Variants in DAB1 observed in about 807,000 individuals in gnomAD.
DAB1 encodes DAB adaptor protein 1, also known as disabled homolog 1.
In DAB1, 15 loss-of-function variants were observed where a neutral mutation model predicts 64.6. The observed-to-expected ratio is 0.23, with a 90% confidence interval of 0.16 to 0.36. The LOEUF is 0.36. DAB1 is among the 10% of genes least tolerant of loss of function. DAB1 has a pLI of 1.00. For missense variants in DAB1, 596 were observed against 706.7 expected, an observed-to-expected ratio of 0.84 and a Z score of 1.78; for synonymous variants, 235 against 251.9, an observed-to-expected ratio of 0.93 and a Z score of 0.64.
At chr1:57,483,101 C>T (rs945867407) in intron 7 of DAB1, among the ~76,000 whole-genome samples, 30 of 152,120 alleles carry the variant, frequency 2.0e-4, no homozygotes, top group African/African-American at 7.0e-4. Flanking sequence ...TAAAAATATG[C>T]ATGGGAAAAA....
At chr1:57,721,889 C>G (rs1027310651) in intron 6 of DAB1, among the ~76,000 whole-genome samples, 1 of 152,096 alleles carries the variant, frequency 6.6e-6, no homozygotes, top group African/African-American at 2.4e-5. Flanking sequence ...TATGTTATTG[C>G]CATTATGATT....
In DAB1 at chr1:58,163,120, C is replaced by T. The variant is rs142367662; in HGVS notation, n.310-12532G>A. ...CCGGGAAGCAAACCAGGAGCAAGTC[C>T]TGCCTGGCCCTATCCAGTCATGGAG... On this transcript the variant is annotated intron_variant and non_coding_transcript_variant, in intron 4 of 20. Coordinates refer to the DAB1 transcript ENST00000485760. Among the ~76,000 whole-genome samples the T allele has an allele frequency of 7.3e-4, 111 of 152,292 alleles. 1 individual carries two copies. In the South Asian group the frequency reaches 0.01, roughly 14 times the overall value.
At chr1:58,094,762 T>C (rs888998664) in intron 5 of DAB1, among the ~76,000 whole-genome samples, 1 of 152,234 alleles carries the variant, frequency 6.6e-6, no homozygotes, top group Non-Finnish European at 1.5e-5. Flanking sequence ...TGGCATGTGC[T>C]AGAGTAGTGC....
At chr1:57,037,814 G>A (rs1647226209) in intron 9 of DAB1, among the ~76,000 whole-genome samples, 1 of 152,190 alleles carries the variant, frequency 6.6e-6, no homozygotes, top group South Asian at 2.1e-4. Flanking sequence ...ACAAGGGCAA[G>A]TGGCTTGAGG....
intron 7 of DAB1, among the ~76,000 whole-genome samples, chr1:57,525,089 A>G (rs1469263954): frequency 6.6e-6 from 1 of 152,236 alleles, no homozygotes; most frequent in Non-Finnish European, 1.5e-5. Flanking sequence ...ACATTCAAGG[A>G]TCAAAAATTG....
At chr1:57,245,995 G>A (rs1225108715) in intron 2 of DAB1, among the ~76,000 whole-genome samples, 2 of 152,182 alleles carry the variant, frequency 1.3e-5, no homozygotes, top group African/African-American at 2.4e-5. Context: ...GTCTGAAATA[G>A]GAACTTATAT....
chr1:58,226,092 G>A (rs781400488), intron 4 of DAB1, among the ~76,000 whole-genome samples: 2 of 152,020 alleles, frequency 1.3e-5, no homozygotes, highest in Non-Finnish European at 2.9e-5. Flanking sequence ...AACCACTCTG[G>A]GATACCTCTG....
At chr1:57,053,688 A>ATATATATATTTT (rs1447741565) in intron 9 of DAB1, among the ~76,000 whole-genome samples, 36 of 71,396 alleles carry the variant, frequency 5.0e-4, no homozygotes, top group Admixed American at 1.9e-3. Context: ...ATATATATAT[A>ATATATATATTTT]TTTTTTTTTT....
At chr1:57,001,224 T>C (rs1411007) in intron 14 of DAB1, among the ~76,000 whole-genome samples, 2,256 of 152,318 alleles carry the variant, frequency 0.015, 66 homozygotes, top group African/African-American at 0.052. Context: ...ACGGGGTCTT[T>C]GAGCTATTTT....
At chr1:57,777,074 G>A (rs1157392636) in intron 6 of DAB1, among the ~76,000 whole-genome samples, 1 of 146,282 alleles carries the variant, frequency 6.8e-6, no homozygotes, top group African/African-American at 2.5e-5. Flanking sequence ...ACTTTCACAG[G>A]ATACTAGGTT....
chr1:57,447,275 A>C (rs1686176985), intron 7 of DAB1, among the ~76,000 whole-genome samples: 1 of 152,216 alleles, frequency 6.6e-6, no homozygotes, highest in South Asian at 2.1e-4. Context: ...CTATGAGGAC[A>C]AAGCTCTCTT....
chr1:58,085,416 G>A (rs1364189109), intron 5 of DAB1, among the ~76,000 whole-genome samples: 1 of 152,076 alleles, frequency 6.6e-6, no homozygotes, highest in African/African-American at 2.4e-5. Flanking sequence ...CACTCAGGCT[G>A]GAGTGCAGTG....
At chr1:57,575,761 C>T (rs1645242385) in intron 7 of DAB1, among the ~76,000 whole-genome samples, 1 of 152,150 alleles carries the variant, frequency 6.6e-6, no homozygotes, top group Admixed American at 6.5e-5. Flanking sequence ...GTAAGCCATT[C>T]TTTAATTTAG....
chr1:57,151,807 ATTTTT>A (rs34012935), intron 2 of DAB1, among the ~76,000 whole-genome samples: 5 of 106,252 alleles, frequency 4.7e-5, no homozygotes, highest in African/African-American at 1.9e-4. Context: ...CTAATGTTTA[ATTTTT>A]TTTTTTTTTT....
chr1:58,134,008 GACTA>G (rs1449272696), intron 5 of DAB1, among the ~76,000 whole-genome samples: 3 of 152,134 alleles, frequency 2.0e-5, no homozygotes, highest in East Asian at 1.9e-4. Flanking sequence ...ATAGCTCCAT[GACTA>G]ACTAATTAGC....
chr1:57,094,769 T>C (rs1373628749), intron 4 of DAB1, among the ~76,000 whole-genome samples: 1 of 152,216 alleles, frequency 6.6e-6, no homozygotes, highest in Non-Finnish European at 1.5e-5. Flanking sequence ...CTCTCATTCC[T>C]GGGTCATACC....
chr1:58,418,241 C>A (rs1044076245), intron 3 of DAB1, among the ~76,000 whole-genome samples: 1 of 152,190 alleles, frequency 6.6e-6, no homozygotes, highest in Non-Finnish European at 1.5e-5. Context: ...TCAGGAATTG[C>A]TAATTCAGCT....
chr1:57,958,858 A>C (rs1645451369), intron 5 of DAB1, among the ~76,000 whole-genome samples: 1 of 152,170 alleles, frequency 6.6e-6, no homozygotes, highest in Admixed American at 6.5e-5. Context: ...TAAGGATGCC[A>C]GTCTTATTAA....
At chr1:57,124,070 G>A (rs965047434) in intron 4 of DAB1, among the ~76,000 whole-genome samples, 2 of 152,154 alleles carry the variant, frequency 1.3e-5, no homozygotes, top group Admixed American at 6.5e-5. Context: ...CTGAGCTTCA[G>A]GTCTACCACC....
Sources: gnomAD v4.1 joint callset for allele counts (sites outside exome capture counted in the v4.1 genomes callset) on GRCh38, gnomAD v4.1.1 for gene constraint, MANE v1.5 for transcripts, NCBI Gene and HGNC (gene_info 2026-07-23, HGNC 2026-07-21) for gene names.